The following MTHFD1 variants were observed in gnomAD, a reference collection of about 807,000 sequenced individuals.
The protein encoded by MTHFD1 is C-1-tetrahydrofolate synthase, cytoplasmic.
A neutral mutation model predicts 110.3 loss-of-function variants in MTHFD1; 44 were observed. The ratio of observed to expected loss-of-function variants is 0.40; its 90% CI spans 0.31 to 0.51. The LOEUF (loss-of-function observed/expected upper bound fraction) is 0.51. MTHFD1 is among the 20% of genes least tolerant of loss of function. MTHFD1 has a pLI of 0.60. For missense variants in MTHFD1, 909 were observed against 1,173.1 expected (o/e 0.77, Z 3.29); for synonymous variants, 402 against 428.8 (o/e 0.94, Z 0.77).
chr14:64,392,672 T>C (rs2077816045), intron 1 of MTHFD1, among the ~76,000 whole-genome samples: 2 of 152,202 alleles, frequency 1.3e-5, no homozygotes, highest in African/African-American at 4.8e-5. Flanking sequence ...CACTGGGTCA[T>C]GCAATTTACC....
Position 64,392,640 on chromosome 14 carries a change from C to T in MTHFD1, c.41+4172C>T, listed in dbSNP as rs1052967305. ...GGATGGTAGCTCCAGAGCCTAAGCA[C>T]GGTGCTGCCTCCTCTGTGCATCACT... On this transcript the variant is annotated intron_variant, in intron 1 of 27. Transcript: ENST00000652337. Among the ~76,000 whole-genome samples the T allele has an allele frequency of 5.9e-5, 9 of 152,272 alleles. No individual in the cohort carries two copies. The East Asian group carries it at 1.3e-3, about 23-fold the overall frequency.
intron 18 of MTHFD1, chr14:64,441,151 C>T (rs2078243857): frequency 8.3e-6 from 4 of 483,226 alleles, no homozygotes; most frequent in East Asian, 4.3e-5. Flanking sequence ...GAGATTGCAC[C>T]ACTGCACTCC....
chr14:64,451,759 G>A (rs923306985), intron 24 of MTHFD1, among the ~76,000 whole-genome samples: 4 of 152,202 alleles, frequency 2.6e-5, no homozygotes, highest in African/African-American at 4.8e-5. Flanking sequence ...CTTACTCAGC[G>A]TCTGCTAGTC....
chr14:64,417,854 C>G lies in MTHFD1; in HGVS notation c.479-34C>G. 1 of 1,611,926 alleles carries G rather than the reference C, an allele frequency of 6.2e-7. No homozygotes were observed. Among genetic ancestry groups the G allele is most frequent in the Middle Eastern group, 2.2e-4 (1 of 4,498 alleles). ...CATGCGAAGGAGGGCAGCTTCTATCCTCCAACTCTGATGCAGGCTGGCTTT... is the reference window on the plus strand; with the variant it reads ...CATGCGAAGGAGGGCAGCTTCTATCGTCCAACTCTGATGCAGGCTGGCTTT... On this transcript the variant is annotated intron_variant, in intron 6 of 27. Transcript: ENST00000652337. The surrounding 1 kb of genome is among the most constrained non-coding windows in gnomAD (Gnocchi z 4.4).
At chr14:64,408,470 G>T (rs1323356038) in intron 2 of MTHFD1, among the ~76,000 whole-genome samples, 1 of 152,012 alleles carries the variant, frequency 6.6e-6, no homozygotes, top group African/African-American at 2.4e-5. Context: ...TGTATTTTTA[G>T]TATAGATGGG....
At chr14:64,411,461 T>C (rs1014241649) in intron 3 of MTHFD1, among the ~76,000 whole-genome samples, 4 of 152,192 alleles carry the variant, frequency 2.6e-5, no homozygotes, top group African/African-American at 9.6e-5. Flanking sequence ...GGTCTATACC[T>C]TTCTCCGAAG....
intron 2 of MTHFD1, among the ~76,000 whole-genome samples, chr14:64,408,651 T>A (rs1009558902): frequency 1.3e-5 from 2 of 152,170 alleles, no homozygotes; most frequent in Non-Finnish European, 2.9e-5. Flanking sequence ...ATAACCACTT[T>A]CCCCTATAAA....
intron 8 of MTHFD1, among the ~76,000 whole-genome samples, chr14:64,421,832 A>C (rs867448693): frequency 6.6e-6 from 1 of 151,978 alleles, no homozygotes; most frequent in African/African-American, 2.4e-5. Flanking sequence ...TCACCATGTT[A>C]GCCAGGATGG....
Position 64,459,973 on chromosome 14 carries a change from C to T in MTHFD1, c.*219C>T, listed in dbSNP as rs535958062. ...CATGCATGTCTGTTTACTTTAGTGACGTTCCACAGAATAAAAGGAAACAAG... is the reference window on the plus strand; with the variant it reads ...CATGCATGTCTGTTTACTTTAGTGATGTTCCACAGAATAAAAGGAAACAAG... On this transcript the variant is annotated 3_prime_UTR_variant, in exon 28 of 28. Coordinates refer to ENST00000652337, the MANE Select transcript of MTHFD1 (RefSeq NM_005956.4). 1.4e-4 allele frequency: 213 copies of T among 1,478,682 alleles called. 1 individual carries two copies. The highest frequency in any genetic ancestry group is 6.8e-4 in the Admixed American group (34 of 49,662). 91.6% of individuals were successfully genotyped at this position (1,478,682 alleles called of 1,614,324 possible).
chr14:64,405,458 A>T (rs1023442541), intron 2 of MTHFD1, among the ~76,000 whole-genome samples: 1 of 152,212 alleles, frequency 6.6e-6, no homozygotes, highest in Admixed American at 6.5e-5. Context: ...TACAAGGTTT[A>T]TATAATATGT....
intron 22 of MTHFD1, among the ~76,000 whole-genome samples, chr14:64,447,053 A>T: frequency 6.6e-6 from 1 of 151,470 alleles, no homozygotes; most frequent in African/African-American, 2.4e-5. Context: ...TTGCCCAGGC[A>T]GGCTGCTGTC....
At chr14:64,418,302 T>C (rs1401096691) in intron 7 of MTHFD1, among the ~76,000 whole-genome samples, 1 of 151,444 alleles carries the variant, frequency 6.6e-6, no homozygotes, top group Non-Finnish European at 1.5e-5. Flanking sequence ...AATTAAAAAT[T>C]AGCCAGATGG....
intron 2 of MTHFD1, 151 bp from the exon 3 acceptor site, chr14:64,410,939 C>T: frequency 2.9e-6 from 2 of 680,324 alleles, no homozygotes; most frequent in Non-Finnish European, 2.7e-6. Context: ...ATCCCTCCTG[C>T]CCCCACAGCC....
chr14:64,425,393 G>T (rs950683457), intron 9 of MTHFD1, among the ~76,000 whole-genome samples: 3 of 151,992 alleles, frequency 2.0e-5, no homozygotes, highest in Admixed American at 2.0e-4. Context: ...TGTATTTTTA[G>T]TAGAGACAGG....
At chr14:64,409,348 A>T (rs1480191660) in intron 2 of MTHFD1, among the ~76,000 whole-genome samples, 1 of 152,224 alleles carries the variant, frequency 6.6e-6, no homozygotes, top group Non-Finnish European at 1.5e-5. Context: ...GTTACATTTC[A>T]CTTACTTGAA....
intron 3 of MTHFD1, among the ~76,000 whole-genome samples, chr14:64,411,976 T>C (rs897474328): frequency 6.6e-6 from 1 of 151,596 alleles, no homozygotes; most frequent in African/African-American, 2.4e-5. Context: ...TAAGATAACA[T>C]AGACAGAATT....
chr14:64,441,774 G>T, intron 19 of MTHFD1: 2 of 554,092 alleles, frequency 3.6e-6, no homozygotes, highest in Non-Finnish European at 6.4e-6. Context: ...CTGCACTCCA[G>T]ACTGGGCGAC....
At chr14:64,446,568 G>A (rs1192194387) in intron 22 of MTHFD1, among the ~76,000 whole-genome samples, 1 of 152,086 alleles carries the variant, frequency 6.6e-6, no homozygotes, top group Non-Finnish European at 1.5e-5. Context: ...TTGAGATGGA[G>A]TCTGGCTCTA....
At chr14:64,449,108 C>G in intron 23 of MTHFD1, 1 of 369,480 alleles carries the variant, frequency 2.7e-6, no homozygotes, top group South Asian at 2.3e-5. Flanking sequence ...CAGCAAAATT[C>G]TTAAATGCTA....
Sources: allele counts gnomAD v4.1 joint callset (sites outside exome capture counted in the v4.1 genomes callset), GRCh38; gene constraint gnomAD v4.1.1; non-coding constraint Gnocchi (gnomAD v3.1); transcripts MANE v1.5; gene names NCBI Gene and HGNC (gene_info 2026-07-23, HGNC 2026-07-21).